Variants in SND1 observed in about 807,000 individuals in gnomAD.
SND1 encodes the protein staphylococcal nuclease and tudor domain containing 1.
In SND1, 38 loss-of-function variants were observed where a neutral mutation model predicts 121.7. The ratio of observed to expected loss-of-function variants is 0.31; its 90% CI spans 0.24 to 0.41. The LOEUF (loss-of-function observed/expected upper bound fraction) is 0.41, where lower values mean the gene tolerates loss of function less well. Among genes scored for constraint, SND1 ranks in the 10% least tolerant of loss-of-function variants. SND1 has a pLI of 1.00. For missense variants in SND1, 868 were observed against 1,184.6 expected (o/e 0.73, Z 3.92); for synonymous variants, 401 against 447.4 (o/e 0.90, Z 1.31).
chr7:128,014,119 T>C (rs1803173602), intron 16 of SND1, among the ~76,000 whole-genome samples: 2 of 152,150 alleles, frequency 1.3e-5, no homozygotes. Context: ...CCACTTCTTT[T>C]GGAAGTTACT....
At chr7:127,752,316 T>G (rs1046775691) in intron 10 of SND1, among the ~76,000 whole-genome samples, 1 of 152,230 alleles carries the variant, frequency 6.6e-6, no homozygotes, top group African/African-American at 2.4e-5. Flanking sequence ...TGGTGAGTTT[T>G]GTTTTGCAGC....
chr7:127,694,703 G>A (rs1271208853), intron 2 of SND1, 125 bp from the exon 3 acceptor site: 3 of 1,089,102 alleles, frequency 2.8e-6, no homozygotes, highest in Non-Finnish European at 4.0e-6. Flanking sequence ...TATTCTCAAG[G>A]TCCAGCGCAG....
intron 12 of SND1, among the ~76,000 whole-genome samples, chr7:127,872,628 GCACACACACACACACACACA>G (rs56324746): frequency 4.3e-5 from 6 of 139,846 alleles, no homozygotes; most frequent in East Asian, 2.1e-4. Context: ...TAACACACAC[GCACACACACACACACACACA>G]CACACACACA....
At chr7:127,953,027 G>C (rs760148979) in intron 15 of SND1, among the ~76,000 whole-genome samples, 5 of 152,012 alleles carry the variant, frequency 3.3e-5, no homozygotes, top group Non-Finnish European at 5.9e-5. Context: ...AGCCAGACAT[G>C]GTGGTGTGCA....
chr7:127,914,658 A>G (rs1800532922), intron 14 of SND1, among the ~76,000 whole-genome samples: 1 of 152,200 alleles, frequency 6.6e-6, no homozygotes, highest in African/African-American at 2.4e-5. Context: ...AAAGTGCCCC[A>G]TCCTCCAAGG....
intron 9 of SND1, among the ~76,000 whole-genome samples, chr7:127,718,361 A>T (rs1236841140): frequency 1.3e-5 from 2 of 152,196 alleles, no homozygotes; most frequent in Non-Finnish European, 2.9e-5. Context: ...ACTGCACAGT[A>T]CGTGGCTATA....
At chr7:127,824,023 T>G (rs1798598970) in intron 11 of SND1, among the ~76,000 whole-genome samples, 1 of 152,198 alleles carries the variant, frequency 6.6e-6, no homozygotes, top group Admixed American at 6.5e-5. Context: ...AAATATTGAG[T>G]ATGACGACAA....
intron 12 of SND1, among the ~76,000 whole-genome samples, chr7:127,849,889 A>C (rs1408178304): frequency 6.6e-6 from 1 of 152,116 alleles, no homozygotes; most frequent in Non-Finnish European, 1.5e-5. Context: ...GGTATTGTCC[A>C]AGTTCTGTGG....
rs1013809184 is a variant in SND1 at position 128,013,536 on chromosome 7, A to G, written c.1779+22480A>G. ...CCTAAACTGTGAGATGATCTAGAGC[A>G]GCAGTCCCCAACCTTTTTGGCACTA... On this transcript the variant is annotated intron_variant, in intron 16 of 23. Transcript: ENST00000354725. Among the ~76,000 whole-genome samples the G allele has an allele frequency of 2.0e-5, 3 of 152,378 alleles. No homozygotes were observed. The East Asian group carries it at 5.8e-4, about 29-fold the overall frequency.
intron 10 of SND1, among the ~76,000 whole-genome samples, chr7:127,783,961 T>G (rs1411012878): frequency 6.6e-6 from 1 of 152,216 alleles, no homozygotes; most frequent in Non-Finnish European, 1.5e-5. Flanking sequence ...AGTTCTTAGA[T>G]ATTCATGGAT....
chr7:128,002,662 T>C (rs1802864463), intron 16 of SND1, among the ~76,000 whole-genome samples: 1 of 152,336 alleles, frequency 6.6e-6, no homozygotes, highest in Non-Finnish European at 1.5e-5. Flanking sequence ...CAGTGAGGGC[T>C]CTCTGCTTTT....
Position 127,707,610 on chromosome 7 carries a change from C to T in SND1, c.1001C>T (p.Ala334Val). 6.2e-7 allele frequency: 1 copy of T among 1,614,126 alleles called. No individual in the cohort carries two copies. The change falls in exon 9 of 24, where the codon GCT (alanine) becomes GTT (valine). Residue 334 changes from alanine (A) to valine (V), a missense_variant. Physicochemically the swap from Ala to Val is moderately conservative, Grantham distance 64. Coordinates refer to ENST00000354725, the MANE Select transcript of SND1 (RefSeq NM_014390.4). Reference protein sequence around the residue: ...RIWRDYVAPTANLDQKDKQFV... With the variant: ...RIWRDYVAPTVNLDQKDKQFV... ...TGGAGAGACTATGTGGCTCCCACAG[C>T]TAATTTGGACCAAAAGGACAAGCAG...
intron 12 of SND1, among the ~76,000 whole-genome samples, chr7:127,851,505 A>T (rs1799164471): frequency 6.6e-6 from 1 of 152,248 alleles, no homozygotes; most frequent in Non-Finnish European, 1.5e-5. Flanking sequence ...ACAGCTGGCC[A>T]ATCATGCATA....
chr7:127,948,155 C>T (rs1392980188), intron 15 of SND1, among the ~76,000 whole-genome samples: 1 of 152,184 alleles, frequency 6.6e-6, no homozygotes, highest in African/African-American at 2.4e-5. Flanking sequence ...CCTTATTTCT[C>T]ACCCAGACTG....
chr7:128,086,289 G>A (rs1348497291), intron 20 of SND1, among the ~76,000 whole-genome samples: 4 of 152,230 alleles, frequency 2.6e-5, no homozygotes, highest in African/African-American at 9.7e-5. Flanking sequence ...ATTCTCTTGA[G>A]GAACAGCAGC....
chr7:128,066,638 C>G lies in SND1; in HGVS notation c.1780-7864C>G, dbSNP rs549467434. 3.9e-5 allele frequency among the ~76,000 whole-genome samples: 6 copies of G among 152,334 alleles called. No homozygotes were observed. The South Asian group carries it at 1.0e-3, about 26-fold the overall frequency. On this transcript the variant is annotated intron_variant, in intron 16 of 23. Transcript: ENST00000354725. ...CCTTATTAATTGCATTGTTAATGTT[C>G]ATCATCTCTGAAAGAAGTCGGTGTG...
intron 11 of SND1, among the ~76,000 whole-genome samples, chr7:127,815,557 G>T (rs555454547): frequency 5.3e-5 from 8 of 152,164 alleles, no homozygotes; most frequent in Admixed American, 4.6e-4. Context: ...GGAGTATTGG[G>T]CACAGAGAGA....
intron 16 of SND1, among the ~76,000 whole-genome samples, chr7:128,039,227 T>C (rs551837560): frequency 6.6e-6 from 1 of 152,358 alleles, no homozygotes; most frequent in East Asian, 1.9e-4. Flanking sequence ...CTCAGCTTTA[T>C]TTTTCTCATT....
chr7:127,907,479 T>A (rs1800364251), intron 14 of SND1, among the ~76,000 whole-genome samples: 1 of 152,244 alleles, frequency 6.6e-6, no homozygotes, highest in Non-Finnish European at 1.5e-5. Context: ...TTTTAATCTT[T>A]AACTGTGTTA....
Sources: gnomAD v4.1 joint callset for allele counts (sites outside exome capture counted in the v4.1 genomes callset) on GRCh38, gnomAD v4.1.1 for gene constraint, MANE v1.5 for transcripts, NCBI Gene and HGNC (gene_info 2026-07-23, HGNC 2026-07-21) for gene names.